Variants in THSD7B observed in about 807,000 individuals in gnomAD.
The protein encoded by THSD7B is thrombospondin type-1 domain-containing protein 7B.
Under a neutral mutation model 213.6 loss-of-function variants are expected in THSD7B, and 138 were observed. The observed-to-expected ratio is 0.65, with a 90% CI of 0.56 to 0.74. The LOEUF (loss-of-function observed/expected upper bound fraction) is 0.74. Ranked by LOEUF, THSD7B falls within the 30% of genes least tolerant of loss-of-function variation. The pLI is 0.00. For missense variants in THSD7B, 1,931 were observed against 1,991.5 expected (o/e 0.97, Z 0.58); for synonymous variants, 742 against 687.0 (o/e 1.08, Z -1.25).
At chr2:136,801,218 C>T (rs1451337131) in intron 1 of THSD7B, among the ~76,000 whole-genome samples, 2 of 152,060 alleles carry the variant, frequency 1.3e-5, no homozygotes, top group Non-Finnish European at 2.9e-5. Context: ...TAATTTTAGA[C>T]TAAAATAAAT....
chr2:137,375,963 A>G (rs1405262283), intron 12 of THSD7B, among the ~76,000 whole-genome samples: 1 of 152,234 alleles, frequency 6.6e-6, no homozygotes, highest in Non-Finnish European at 1.5e-5. Context: ...TAGAAAAAGG[A>G]AAGTTCCTTA....
chr2:137,418,667 C>A (rs556073597), intron 14 of THSD7B, among the ~76,000 whole-genome samples: 1 of 151,768 alleles, frequency 6.6e-6, no homozygotes, highest in African/African-American at 2.4e-5. Flanking sequence ...TATTTGTACC[C>A]GTTAATCAAC....
chr2:137,334,368 G>A (rs1041095125), intron 12 of THSD7B, among the ~76,000 whole-genome samples: 4 of 152,102 alleles, frequency 2.6e-5, no homozygotes, highest in Admixed American at 6.5e-5. Context: ...GTGAGAAGTC[G>A]GGGAGCAAGA....
At chr2:137,562,899 C>T (rs1018779037) in intron 15 of THSD7B, among the ~76,000 whole-genome samples, 7 of 152,072 alleles carry the variant, frequency 4.6e-5, no homozygotes, top group Non-Finnish European at 1.0e-4. Context: ...GCTGGACCAT[C>T]TAATAGATGC....
intron 25 of THSD7B, 88 bp downstream of exon 25, chr2:137,659,834 A>G: frequency 6.9e-6 from 9 of 1,296,790 alleles, no homozygotes; most frequent in Non-Finnish European, 9.5e-6. Flanking sequence ...GCTGCAGCCC[A>G]AGCAGCAGTT....
chr2:137,655,456 T>A (rs1261010809), intron 21 of THSD7B, 45 bp from the exon 22 acceptor site: 2 of 1,561,074 alleles, frequency 1.3e-6, no homozygotes, highest in East Asian at 4.6e-5. Flanking sequence ...AACTTTGAGA[T>A]GTGAATTATT....
intron 1 of THSD7B, among the ~76,000 whole-genome samples, chr2:136,795,719 C>T (rs1243736173): frequency 6.6e-6 from 1 of 151,850 alleles, no homozygotes; most frequent in Non-Finnish European, 1.5e-5. Flanking sequence ...GCATTTTTTA[C>T]TTACTCTCAC....
At chr2:136,844,912 T>C (rs1410894548) in intron 1 of THSD7B, among the ~76,000 whole-genome samples, 2 of 152,234 alleles carry the variant, frequency 1.3e-5, no homozygotes, top group Non-Finnish European at 2.9e-5. Flanking sequence ...GCCAACACTT[T>C]AACAAGCCTG....
At chr2:136,772,784 C>T (rs1327047023) in intron 1 of THSD7B, among the ~76,000 whole-genome samples, 1 of 151,964 alleles carries the variant, frequency 6.6e-6, no homozygotes, top group Non-Finnish European at 1.5e-5. Context: ...AAGAACTGTT[C>T]TTTAGTTGAG....
At chr2:137,070,284 A>G (rs1322661911) in intron 3 of THSD7B, among the ~76,000 whole-genome samples, 2 of 151,408 alleles carry the variant, frequency 1.3e-5, no homozygotes, top group Admixed American at 6.6e-5. Context: ...GGTCTTTTTC[A>G]TTCTTTTTTT....
At chr2:136,918,960 G>A (rs1479116028) in intron 2 of THSD7B, among the ~76,000 whole-genome samples, 1 of 152,128 alleles carries the variant, frequency 6.6e-6, no homozygotes, top group African/African-American at 2.4e-5. Context: ...GGTCTGGGGT[G>A]ACTTTGTATG....
chr2:137,290,392 A>G (rs1683298471), intron 12 of THSD7B, among the ~76,000 whole-genome samples: 1 of 152,188 alleles, frequency 6.6e-6, no homozygotes, highest in East Asian at 1.9e-4. Context: ...CCCAGCCCAA[A>G]GAGTTTTCTT....
At chr2:137,236,814 T>A (rs1008477122) in intron 9 of THSD7B, among the ~76,000 whole-genome samples, 1 of 152,044 alleles carries the variant, frequency 6.6e-6, no homozygotes, top group African/African-American at 2.4e-5. Flanking sequence ...ACAGTGCTTA[T>A]AAGAAGCTGA....
At chr2:136,961,701 C>G (rs1357443701) in intron 2 of THSD7B, among the ~76,000 whole-genome samples, 3 of 152,122 alleles carry the variant, frequency 2.0e-5, no homozygotes, top group Middle Eastern at 3.2e-3. Flanking sequence ...GATAAACTAT[C>G]ATGGAAAAGG....
At chr2:136,844,462 C>CAGAGAGAGAGAA (rs1682968540) in intron 1 of THSD7B, among the ~76,000 whole-genome samples, 1 of 142,518 alleles carries the variant, frequency 7.0e-6, no homozygotes, top group Non-Finnish European at 1.5e-5. Context: ...CCACCCAAAA[C>CAGAGAGAGAGAA]AGAGAGAGAG....
chr2:137,175,639 C>G (rs954034000), intron 7 of THSD7B, among the ~76,000 whole-genome samples: 97 of 152,252 alleles, frequency 6.4e-4, no homozygotes, highest in African/African-American at 2.3e-3. Flanking sequence ...GTGAACACTC[C>G]AAGAATGTTA....
At chr2:137,666,546 C>A (rs1341173647) in intron 26 of THSD7B, among the ~76,000 whole-genome samples, 3 of 147,076 alleles carry the variant, frequency 2.0e-5, no homozygotes, top group East Asian at 2.0e-4. Flanking sequence ...TTCCCCCCCC[C>A]ATAGAAGCTT....
At chr2:136,787,908 C>T (rs1030022055) in intron 1 of THSD7B, among the ~76,000 whole-genome samples, 1 of 152,134 alleles carries the variant, frequency 6.6e-6, no homozygotes. Context: ...GCTTTTCCAA[C>T]CTGGCTCTCA....
chr2:137,214,765 TC>T (rs1338947043), intron 7 of THSD7B, among the ~76,000 whole-genome samples: 1 of 152,188 alleles, frequency 6.6e-6, no homozygotes, highest in East Asian at 1.9e-4. Flanking sequence ...CATGAGCGCA[TC>T]CTTTTTTTAT....
Sources: gnomAD v4.1 joint callset for allele counts (sites outside exome capture counted in the v4.1 genomes callset) on GRCh38, gnomAD v4.1.1 for gene constraint, MANE v1.5 for transcripts, NCBI Gene and HGNC (gene_info 2026-07-23, HGNC 2026-07-21) for gene names.